Variants in ZNF540 observed in about 807,000 individuals in gnomAD.
ZNF540 encodes zinc finger protein 540.
A neutral mutation model predicts 11.8 loss-of-function variants in ZNF540; 3 were observed. The ratio of observed to expected loss-of-function variants is 0.25; its 90% CI spans 0.12 to 0.65. The LOEUF is 0.65. ZNF540 is among the 30% of genes least tolerant of loss of function. The probability of loss-of-function intolerance (pLI) is 0.83; values close to 1 mark genes in which losing one functional copy is unlikely to be tolerated. For synonymous variants in ZNF540, 247 were observed against 259.0 expected (o/e 0.95, Z 0.45); for missense variants, 709 against 793.1 (o/e 0.89, Z 1.27).
intron 1 of ZNF540, chr19:37,586,536 G>A (rs2043679771): frequency 8.2e-6 from 8 of 975,268 alleles, no homozygotes; most frequent in African/African-American, 1.6e-5. Flanking sequence ...ACTATTACTC[G>A]CTAGAATGGG....
Position 37,613,255 on chromosome 19 carries a change from GTAATT to G in ZNF540, c.1980_*1del, listed in dbSNP as rs776087880. ...TTATCAACATCAGAAAACTCATAAT[GTAATT>G]TAATATAAGAAAAGGTTTCCATGTC... On this transcript the variant is annotated frameshift_variant, in exon 5 of 5. Coordinates refer to ENST00000316433, the MANE Select transcript of ZNF540 (RefSeq NM_001172225.3). LOFTEE classifies it high-confidence loss of function. 6.7e-7 allele frequency: 1 copy of G among 1,490,064 alleles called. No homozygotes were observed. The highest frequency in any genetic ancestry group is 2.3e-5 in the East Asian group (1 of 43,766). 92.3% of individuals were successfully genotyped at this position (1,490,064 alleles called of 1,614,324 possible). A position where few individuals can be genotyped will look rare whatever the true frequency, so the allele number is the denominator to read the frequency against.
At chr19:37,575,466 A>C (rs960875533) in intron 1 of ZNF540, 3 of 152,252 alleles carry the variant, frequency 2.0e-5, no homozygotes, top group Admixed American at 2.0e-4. Flanking sequence ...TTCACAGTAC[A>C]TTCAGTCAAA....
chr19:37,609,837 G>A (rs543367713), intron 4 of ZNF540, among the ~76,000 whole-genome samples: 42 of 151,800 alleles, frequency 2.8e-4, no homozygotes, highest in Non-Finnish European at 5.4e-4. Flanking sequence ...GACAGAGTGA[G>A]ACTCCATCTC....
chr19:37,570,772 T>A (rs749343177), intron 1 of ZNF540, among the ~76,000 whole-genome samples: 4 of 152,084 alleles, frequency 2.6e-5, no homozygotes, highest in Non-Finnish European at 5.9e-5. Flanking sequence ...CTACCAAACT[T>A]CTGAATAGTC....
intron 1 of ZNF540, among the ~76,000 whole-genome samples, chr19:37,556,494 A>G (rs551198936): frequency 1.1e-4 from 17 of 152,146 alleles, no homozygotes; most frequent in Non-Finnish European, 2.1e-4. Flanking sequence ...CGTTGTGAGG[A>G]TGATGGTGTG....
intron 4 of ZNF540, chr19:37,611,183 G>A (rs1028512661): frequency 3.4e-4 from 44 of 129,408 alleles, no homozygotes; most frequent in Non-Finnish European, 1.2e-4. Flanking sequence ...CATGATGCTC[G>A]GCCAATTTTG....
At chr19:37,584,070 T>C in intron 1 of ZNF540, 1 of 1,614,120 alleles carries the variant, frequency 6.2e-7, no homozygotes, top group Non-Finnish European at 8.5e-7. Flanking sequence ...GAGAAGTCAA[T>C]GGCCACATCC....
chr19:37,558,625 C>A (rs958666960), intron 1 of ZNF540, among the ~76,000 whole-genome samples: 8 of 152,250 alleles, frequency 5.3e-5, no homozygotes, highest in African/African-American at 1.7e-4. Context: ...GAGAGAAAGA[C>A]CTCTGTGCAC....
exon 1 of ZNF540, chr19:37,551,430 G>A (rs894102689): frequency 6.6e-6 from 1 of 152,288 alleles, no homozygotes; most frequent in Non-Finnish European, 1.5e-5. Flanking sequence ...GGCGGAGCTG[G>A]AGCCCTCCCT....
upstream of ZNF540, among the ~76,000 whole-genome samples, chr19:37,592,273 G>C (rs769141854): frequency 2.6e-5 from 4 of 152,012 alleles, no homozygotes; most frequent in Non-Finnish European, 5.9e-5. Flanking sequence ...AATGGATCTT[G>C]GTATCAATCA....
rs1436914941 is a variant in ZNF540 at position 37,613,159 on chromosome 19, A to G, written c.1879A>G (p.Arg627Gly). Residue 627 changes from arginine to glycine, a missense_variant, in exon 5 of 5, where the codon AGA becomes GGA. Transcript: ENST00000316433. ...RLNSHLTEHQ[R>G]IHTGEKPYEC... ...TAATTCACACCTTACTGAACATCAG[A>G]GAATTCACACTGGTGAGAAACCCTA... 73 of 1,613,804 alleles carry G rather than the reference A, an allele frequency of 4.5e-5. No individual in the cohort carries two copies. The highest frequency in any genetic ancestry group is 6.1e-5 in the Non-Finnish European group (72 of 1,179,842).
intron 1 of ZNF540, among the ~76,000 whole-genome samples, chr19:37,552,536 G>T (rs912687052): frequency 6.6e-6 from 1 of 151,926 alleles, no homozygotes; most frequent in East Asian, 1.9e-4. Context: ...TTTAGTTCTG[G>T]TACTAGGCAC....
intron 1 of ZNF540, chr19:37,585,735 C>A (rs1393856117): frequency 6.6e-6 from 1 of 152,136 alleles, no homozygotes; most frequent in Non-Finnish European, 1.5e-5. Context: ...CGTTACAAAA[C>A]CTATGTATAC....
chr19:37,607,248 C>G (rs2147231947), intron 4 of ZNF540, among the ~76,000 whole-genome samples: 1 of 152,230 alleles, frequency 6.6e-6, no homozygotes, highest in Middle Eastern at 3.4e-3. Flanking sequence ...CATACACACC[C>G]TCCCCAACTA....
chr19:37,589,081 T>C (rs2043782769), intron 1 of ZNF540, among the ~76,000 whole-genome samples: 1 of 151,166 alleles, frequency 6.6e-6, no homozygotes. Context: ...GTGCTTGTGA[T>C]CCCAGCTACT....
At chr19:37,557,963 G>A (rs1432785012) in intron 1 of ZNF540, among the ~76,000 whole-genome samples, 1 of 152,032 alleles carries the variant, frequency 6.6e-6, no homozygotes, top group Non-Finnish European at 1.5e-5. Context: ...TAGGCTACTG[G>A]GCGTCTCCAG....
chr19:37,605,229 G>A (rs1037057209), intron 4 of ZNF540, among the ~76,000 whole-genome samples: 1 of 152,200 alleles, frequency 6.6e-6, no homozygotes, highest in African/African-American at 2.4e-5. Context: ...GGGAGGCTAA[G>A]GCAGGCGGAT....
intron 1 of ZNF540, among the ~76,000 whole-genome samples, chr19:37,589,307 T>A (rs905684022): frequency 6.6e-6 from 1 of 151,242 alleles, no homozygotes; most frequent in Non-Finnish European, 1.5e-5. Flanking sequence ...TATGAATAAA[T>A]GTTCCTACAT....
At chr19:37,601,153 C>T (rs368110164) in intron 4 of ZNF540, 48 bp downstream of exon 4, 80 of 1,487,132 alleles carry the variant, frequency 5.4e-5, no homozygotes, top group African/African-American at 4.5e-4. Context: ...TTGCCAGTCA[C>T]GGCCAGCTGG....
Sources: allele counts gnomAD v4.1 joint callset (sites outside exome capture counted in the v4.1 genomes callset), GRCh38; gene constraint gnomAD v4.1.1; transcripts MANE v1.5; gene names NCBI Gene and HGNC (gene_info 2026-07-23, HGNC 2026-07-21).